POTEJ: variants seen among roughly 807,000 people sequenced by gnomAD.
The protein encoded by POTEJ is POTE ankyrin domain family, member J.
POTEJ carries 11 observed loss-of-function variants against 69.0 expected under a neutral mutation model. That is an observed-to-expected ratio of 0.16 (90% CI 0.10 to 0.26). The LOEUF (loss-of-function observed/expected upper bound fraction) is 0.26. POTEJ is among the 10% of genes least tolerant of loss of function. The pLI, the probability that POTEJ is intolerant of heterozygous loss-of-function variation, is 1.00. For missense variants in POTEJ, 327 were observed against 1,045.5 expected (o/e 0.31, Z 9.48); for synonymous variants, 117 against 381.1 (o/e 0.31, Z 8.07).
chr2:130,646,980 C>T (rs1686601171), intron 13 of POTEJ, among the ~76,000 whole-genome samples: 1 of 149,242 alleles, frequency 6.7e-6, no homozygotes, highest in Admixed American at 6.6e-5. Flanking sequence ...ATATATAATA[C>T]ATGTAAAGGA....
At chr2:130,626,030 G>T (rs1245793857) in intron 6 of POTEJ, among the ~76,000 whole-genome samples, 2 of 144,514 alleles carry the variant, frequency 1.4e-5, no homozygotes, top group African/African-American at 5.5e-5. Context: ...TGGCTAATCC[G>T]CAGCAGCTCC....
intron 3 of POTEJ, among the ~76,000 whole-genome samples, chr2:130,618,831 G>GAAT (rs1685456380): frequency 8.7e-6 from 1 of 115,230 alleles, no homozygotes; most frequent in African/African-American, 4.0e-5. Context: ...TCCCAGGCTG[G>GAAT]AATGCAGTGG....
chr2:130,656,484 T>A lies in POTEJ; in HGVS notation c.1789-65T>A. The stretch of plus-strand genomic sequence containing the variant: ...ATACAAATACATGTTATTTTTGAAT[T>A]TCAAAAGAAATCATGTTATGTCAAT... On this transcript the variant is annotated intron_variant, in intron 14 of 14. Transcript: ENST00000409602. The A allele has an allele frequency of 1.9e-6, 3 of 1,548,636 alleles. No homozygotes were observed. In the East Asian group the frequency reaches 6.7e-5, roughly 35 times the overall value.
intron 14 of POTEJ, 134 bp downstream of exon 14, chr2:130,655,175 T>C (rs1686938677): frequency 1.0e-6 from 1 of 991,968 alleles, no homozygotes. Context: ...CATATATCTA[T>C]ATACGTACAT....
rs535961489 is a variant in POTEJ at position 130,640,174 on chromosome 2, A to G, written c.1369+1485A>G. Among the ~76,000 whole-genome samples, 3 of 145,538 alleles carry G rather than the reference A, an allele frequency of 2.1e-5. No individual in the cohort carries two copies. In the East Asian group the frequency reaches 5.9e-4, roughly 28 times the overall value. ...TTTGGCAGAAGGAACATGGAGTGAG[A>G]TTGTGTGTTTGCCAGAAGGAACATC... On this transcript the variant is annotated intron_variant, in intron 10 of 14. Transcript: ENST00000409602.
rs1248053574 is a variant in POTEJ, at chr2:130,657,079, G to A, written c.2319G>A (p.Leu773=). ...EHPILLTEAP[L]NPKANREKMT... Reference sequence around the variant, plus strand: ...CCATCCTGCTGACCGAGGCCCCCCTGAACCCCAAGGCCAACCGCGAGAAGA... The same window carrying A: ...CCATCCTGCTGACCGAGGCCCCCCTAAACCCCAAGGCCAACCGCGAGAAGA... Residue 773 remains leucine, a synonymous_variant, in exon 15 of 15, where the codon CTG becomes CTA. Coordinates refer to ENST00000409602, the MANE Select transcript of POTEJ (RefSeq NM_001277083.2). 1.3e-6 allele frequency: 2 copies of A among 1,580,454 alleles called. No individual in the cohort carries two copies. The highest frequency in any genetic ancestry group is 1.1e-5 in the South Asian group (1 of 90,728).
chr2:130,612,220 G>A (rs1450818137), intron 1 of POTEJ, among the ~76,000 whole-genome samples: 1 of 150,900 alleles, frequency 6.6e-6, no homozygotes, highest in Non-Finnish European at 1.5e-5. Context: ...TTAAGTCAAT[G>A]CAGCAGATTA....
intron 13 of POTEJ, among the ~76,000 whole-genome samples, chr2:130,649,952 C>G (rs563404868): frequency 4.8e-4 from 73 of 152,142 alleles, no homozygotes; most frequent in Non-Finnish European, 3.8e-4. Flanking sequence ...TAACCACTTC[C>G]TGAGGGAGAA....
rs1236589533 is a variant in POTEJ, at chr2:130,657,535, C to T, written c.2775C>T (p.Phe925=). 1 of 1,565,946 alleles carries T rather than the reference C, an allele frequency of 6.4e-7. No individual in the cohort carries two copies. The highest frequency in any genetic ancestry group is 2.2e-5 in the East Asian group (1 of 44,806). ...NEWFRCPEAL[F]QPCFLGMESC... ...GGTTCCGCTGCCCCGAGGCGCTCTT[C>T]CAGCCTTGCTTCCTGGGCATGGAAT... The change falls in exon 15 of 15, where the codon TTC becomes TTT. Residue 925 remains phenylalanine, a synonymous_variant. Coordinates refer to ENST00000409602, the MANE Select transcript of POTEJ (RefSeq NM_001277083.2).
chr2:130,640,855 G>C (rs1573989180), intron 10 of POTEJ, among the ~76,000 whole-genome samples: 1 of 152,210 alleles, frequency 6.6e-6, no homozygotes, highest in Non-Finnish European at 1.5e-5. Flanking sequence ...TTTTCTGCCA[G>C]AAAGAATGAG....
chr2:130,636,172 T>G (rs1472399271), intron 9 of POTEJ, among the ~76,000 whole-genome samples: 1 of 151,104 alleles, frequency 6.6e-6, no homozygotes, highest in Non-Finnish European at 1.5e-5. Context: ...CCTAGCTTAC[T>G]CTTTCCATTC....
intron 6 of POTEJ, among the ~76,000 whole-genome samples, chr2:130,624,352 G>A (rs557312632): frequency 1.8e-4 from 25 of 140,722 alleles, no homozygotes; most frequent in African/African-American, 2.8e-4. Flanking sequence ...TGTAGAATCC[G>A]TGGAAGCTCT....
intron 1 of POTEJ, among the ~76,000 whole-genome samples, chr2:130,612,302 A>T (rs1685236981): frequency 6.6e-6 from 1 of 151,502 alleles, no homozygotes; most frequent in Non-Finnish European, 1.5e-5. Context: ...CTAAGAATGA[A>T]GCCCCATAAC....
chr2:130,649,415 G>T (rs1318577311), intron 13 of POTEJ, among the ~76,000 whole-genome samples: 1 of 152,224 alleles, frequency 6.6e-6, no homozygotes, highest in African/African-American at 2.4e-5. Context: ...ATCTTGTCAG[G>T]TCTATCTGAA....
intron 1 of POTEJ, among the ~76,000 whole-genome samples, chr2:130,613,623 G>T (rs1203519612): frequency 1.4e-5 from 2 of 138,220 alleles, no homozygotes; most frequent in East Asian, 4.0e-4. Context: ...GGCAGGTCTT[G>T]AACTCCTGTC....
chr2:130,615,567 A>G (rs1573967836), intron 1 of POTEJ, among the ~76,000 whole-genome samples: 1 of 140,648 alleles, frequency 7.1e-6, no homozygotes, highest in South Asian at 2.2e-4. Context: ...GAACACACAG[A>G]TACCTAGAGG....
intron 13 of POTEJ, among the ~76,000 whole-genome samples, chr2:130,650,101 G>C (rs1476202748): frequency 1.3e-5 from 2 of 152,386 alleles, no homozygotes; most frequent in East Asian, 1.9e-4. Context: ...AACATACCAG[G>C]GATGCTCTCT....
At chr2:130,650,458 C>T (rs1686768859) in intron 13 of POTEJ, among the ~76,000 whole-genome samples, 1 of 152,160 alleles carries the variant, frequency 6.6e-6, no homozygotes, top group Non-Finnish European at 1.5e-5. Context: ...CATATCCTCA[C>T]TTCCTAGAAA....
At chr2:130,637,472 T>C (rs1686138905) in intron 9 of POTEJ, among the ~76,000 whole-genome samples, 1 of 150,824 alleles carries the variant, frequency 6.6e-6, no homozygotes, top group South Asian at 2.1e-4. Context: ...CACAAATTTT[T>C]GAAGCATTCT....
Sources: gnomAD v4.1 joint callset for allele counts (sites outside exome capture counted in the v4.1 genomes callset) on GRCh38, gnomAD v4.1.1 for gene constraint, MANE v1.5 for transcripts, NCBI Gene and HGNC (gene_info 2026-07-23, HGNC 2026-07-21) for gene names.